The following ZFAND3 variants were observed in gnomAD, a reference collection of about 807,000 sequenced individuals.
ZFAND3 encodes the protein AN1-type zinc finger protein 3.
ZFAND3 carries 10 observed loss-of-function variants against 29.6 expected under a neutral mutation model. The observed-to-expected ratio is 0.34, with a 90% confidence interval of 0.21 to 0.57. The LOEUF (loss-of-function observed/expected upper bound fraction) is 0.57. ZFAND3 is among the 20% of genes least tolerant of loss of function. ZFAND3 has a pLI of 0.86. For synonymous variants in ZFAND3, 128 were observed against 112.6 expected (o/e 1.14, Z -0.87); for missense variants, 230 against 304.5 (o/e 0.76, Z 1.82).
At chr6:37,935,248 A>G (rs999710310) in intron 2 of ZFAND3, among the ~76,000 whole-genome samples, 3 of 152,202 alleles carry the variant, frequency 2.0e-5, no homozygotes, top group Admixed American at 6.5e-5. Context: ...TGAGTTATCA[A>G]TTGATTTTGC....
At chr6:38,105,515 TGAA>T (rs1352621382) in intron 4 of ZFAND3, among the ~76,000 whole-genome samples, 1 of 152,168 alleles carries the variant, frequency 6.6e-6, no homozygotes, top group Non-Finnish European at 1.5e-5. Flanking sequence ...ATTCTGGAAA[TGAA>T]GAAGAAATTA....
chr6:38,148,674 A>G (rs1325536279), intron 5 of ZFAND3, among the ~76,000 whole-genome samples: 2 of 152,172 alleles, frequency 1.3e-5, no homozygotes, highest in African/African-American at 2.4e-5. Context: ...CTGGAAACAG[A>G]TCTGTGAGTA....
chr6:37,850,587 C>T (rs1201504274), intron 1 of ZFAND3, among the ~76,000 whole-genome samples: 1 of 152,104 alleles, frequency 6.6e-6, no homozygotes, highest in Non-Finnish European at 1.5e-5. Flanking sequence ...CAACAGAATT[C>T]AGTACAGTAA....
chr6:37,977,747 C>T (rs1762504788), intron 2 of ZFAND3, among the ~76,000 whole-genome samples: 1 of 150,340 alleles, frequency 6.7e-6, no homozygotes, highest in Admixed American at 6.6e-5. Flanking sequence ...TAAGGAAGCC[C>T]CCTTTTATTT....
intron 2 of ZFAND3, among the ~76,000 whole-genome samples, chr6:38,017,357 G>T (rs773779976): frequency 5.3e-5 from 8 of 152,200 alleles, no homozygotes; most frequent in Non-Finnish European, 7.3e-5. Context: ...TGGCGTTACA[G>T]TTAGAAGCAT....
chr6:37,828,986 A>G (rs1763810426), intron 1 of ZFAND3, among the ~76,000 whole-genome samples: 1 of 152,152 alleles, frequency 6.6e-6, no homozygotes, highest in African/African-American at 2.4e-5. Flanking sequence ...TTGCTGCTGA[A>G]ATCTAAAAAA....
At chr6:37,971,098 A>G (rs530324258) in intron 2 of ZFAND3, among the ~76,000 whole-genome samples, 1 of 152,234 alleles carries the variant, frequency 6.6e-6, no homozygotes, top group South Asian at 2.1e-4. Flanking sequence ...TTTCAACATC[A>G]GGAATAACTT....
chr6:37,932,191 C>T (rs1442502977), intron 2 of ZFAND3, among the ~76,000 whole-genome samples: 1 of 151,860 alleles, frequency 6.6e-6, no homozygotes, highest in Non-Finnish European at 1.5e-5. Flanking sequence ...ATCGCTTGAA[C>T]CTAGGAGGCG....
intron 2 of ZFAND3, among the ~76,000 whole-genome samples, chr6:37,997,039 T>C (rs1762862746): frequency 6.6e-6 from 1 of 152,194 alleles, no homozygotes; most frequent in Non-Finnish European, 1.5e-5. Context: ...ACTTCATATG[T>C]TAGTTTGTGC....
intron 5 of ZFAND3, among the ~76,000 whole-genome samples, chr6:38,118,008 C>T (rs997753953): frequency 2.0e-5 from 3 of 152,152 alleles, no homozygotes; most frequent in African/African-American, 2.4e-5. Flanking sequence ...CTGCAGAAAC[C>T]GGAACCAGCA....
intron 2 of ZFAND3, among the ~76,000 whole-genome samples, chr6:37,986,218 C>T (rs1288580273): frequency 6.6e-6 from 1 of 152,146 alleles, no homozygotes. Context: ...GCCCATTAGA[C>T]TGGCAGGTAT....
chr6:38,011,901 A>C (rs1763160128), intron 2 of ZFAND3, among the ~76,000 whole-genome samples: 2 of 152,254 alleles, frequency 1.3e-5, no homozygotes, highest in Non-Finnish European at 2.9e-5. Context: ...AGCTAATTAA[A>C]GAATACGTAG....
intron 1 of ZFAND3, among the ~76,000 whole-genome samples, chr6:37,926,939 T>A (rs1051176265): frequency 6.6e-6 from 1 of 152,226 alleles, no homozygotes; most frequent in Non-Finnish European, 1.5e-5. Flanking sequence ...GGATTCAGTG[T>A]TCTTGACCCA....
At chr6:37,974,976 AT>A (rs1466190233) in intron 2 of ZFAND3, among the ~76,000 whole-genome samples, 1 of 152,204 alleles carries the variant, frequency 6.6e-6, no homozygotes, top group Non-Finnish European at 1.5e-5. Flanking sequence ...ATATGGATGT[AT>A]ATTCCTTTGC....
chr6:38,106,937 T>C (rs1281154201), intron 4 of ZFAND3, among the ~76,000 whole-genome samples: 1 of 152,190 alleles, frequency 6.6e-6, no homozygotes, highest in African/African-American at 2.4e-5. Flanking sequence ...TTGCACTAAA[T>C]GAAATTGTGG....
intron 2 of ZFAND3, among the ~76,000 whole-genome samples, chr6:37,933,071 A>T (rs1347644590): frequency 6.6e-6 from 1 of 152,256 alleles, no homozygotes; most frequent in East Asian, 1.9e-4. Flanking sequence ...TGAATGCAGT[A>T]TTACAGAAGA....
At chr6:38,029,806 T>C (rs1763516520) in intron 2 of ZFAND3, among the ~76,000 whole-genome samples, 1 of 152,114 alleles carries the variant, frequency 6.6e-6, no homozygotes, top group African/African-American at 2.4e-5. Context: ...ATCGTATAAA[T>C]TATCGTCATG....
chr6:37,840,175 G>A (rs1485411011), intron 1 of ZFAND3, among the ~76,000 whole-genome samples: 1 of 151,852 alleles, frequency 6.6e-6, no homozygotes, highest in African/African-American at 2.4e-5. Context: ...TCGGCTCAGT[G>A]CAACCTCTGC....
intron 3 of ZFAND3, among the ~76,000 whole-genome samples, chr6:38,062,950 G>A (rs1027484194): frequency 4.6e-5 from 7 of 152,000 alleles, no homozygotes; most frequent in South Asian, 2.1e-4. Context: ...TTAGCCAGGC[G>A]TGGTGGTGTG....
Sources: gnomAD v4.1 joint callset for allele counts (sites outside exome capture counted in the v4.1 genomes callset) on GRCh38, gnomAD v4.1.1 for gene constraint, MANE v1.5 for transcripts, NCBI Gene and HGNC (gene_info 2026-07-23, HGNC 2026-07-21) for gene names.